The following PLEKHB2 variants were observed in gnomAD, a reference collection of about 807,000 sequenced individuals.
PLEKHB2 encodes the protein pleckstrin homology domain containing B2, also known as pleckstrin homology domain-containing family B member 2.
In PLEKHB2, 31 loss-of-function variants were observed where a neutral mutation model predicts 36.5. That is an observed-to-expected ratio of 0.85 (90% CI 0.64 to 1.15). PLEKHB2 has a LOEUF of 1.15. PLEKHB2 is among the 50% of genes most tolerant of loss of function. The pLI is 0.00. For missense variants in PLEKHB2, 262 were observed against 295.3 expected (o/e 0.89, Z 0.83); for synonymous variants, 119 against 112.0 (o/e 1.06, Z -0.39).
chr2:131,113,759 G>A (rs1403186362), intron 1 of PLEKHB2, among the ~76,000 whole-genome samples: 2 of 152,172 alleles, frequency 1.3e-5, no homozygotes, highest in Non-Finnish European at 2.9e-5. Context: ...ATTCTTCTAA[G>A]TGTGGCCTGC....
intron 2 of PLEKHB2, among the ~76,000 whole-genome samples, chr2:131,124,587 C>G (rs1422326062): frequency 1.3e-5 from 2 of 152,130 alleles, no homozygotes; most frequent in African/African-American, 4.8e-5. Flanking sequence ...TGAATTTGCT[C>G]AAGCTGACAG....
intron 2 of PLEKHB2, among the ~76,000 whole-genome samples, chr2:131,121,735 T>G (rs1034493500): frequency 6.6e-6 from 1 of 152,134 alleles, no homozygotes; most frequent in African/African-American, 2.4e-5. Context: ...TGAGTTCATC[T>G]AAAACCAAAA....
intron 1 of PLEKHB2, among the ~76,000 whole-genome samples, chr2:131,115,660 T>C (rs1228652556): frequency 2.0e-5 from 3 of 152,156 alleles, no homozygotes; most frequent in Non-Finnish European, 4.4e-5. Flanking sequence ...CCAGAAGGTA[T>C]GTCTTTTCTT....
chr2:131,136,099 A>G (rs557726522), intron 6 of PLEKHB2, among the ~76,000 whole-genome samples: 4 of 151,784 alleles, frequency 2.6e-5, no homozygotes, highest in East Asian at 1.9e-4. Flanking sequence ...CCCTTTTTCT[A>G]GTTTCCAGGA....
intron 4 of PLEKHB2, among the ~76,000 whole-genome samples, chr2:131,127,235 G>A (rs1341136688): frequency 6.6e-6 from 1 of 152,154 alleles, no homozygotes; most frequent in African/African-American, 2.4e-5. Context: ...GCAGATCCTT[G>A]CTCCCTCTGA....
Position 131,146,916 on chromosome 2 carries a change from A to G in PLEKHB2, c.*143A>G, listed in dbSNP as rs1671646180. ...AAGTAGTGATGTCATAATTGTACTA[A>G]TCCACATAAGTACCACAGAGAAGGG... is the stretch of plus-strand genomic sequence containing the variant. On this transcript the variant is annotated 3_prime_UTR_variant, in exon 8 of 8. Coordinates refer to ENST00000693505, the MANE Select transcript of PLEKHB2 (RefSeq NM_001100623.2). The G allele has an allele frequency of 4.3e-6, 3 of 690,716 alleles. No homozygotes were observed. The highest frequency in any genetic ancestry group is 7.0e-6 in the Non-Finnish European group (3 of 427,506). The allele number at this position is 690,716 out of a possible 1,614,324, so 42.8% of individuals were successfully genotyped here. A position where few individuals can be genotyped will look rare whatever the true frequency, so the allele number is the denominator to read the frequency against.
intron 4 of PLEKHB2, among the ~76,000 whole-genome samples, chr2:131,128,927 ATG>A (rs1697369221): frequency 6.6e-6 from 1 of 150,976 alleles, no homozygotes. Context: ...TATAAGATAT[ATG>A]AATAATCCAG....
At chr2:131,140,950 G>A (rs1184365751) in intron 7 of PLEKHB2, among the ~76,000 whole-genome samples, 2 of 152,220 alleles carry the variant, frequency 1.3e-5, no homozygotes, top group Non-Finnish European at 2.9e-5. Context: ...TGCACAGGTG[G>A]GTGGGCTGGA....
intron 1 of PLEKHB2, among the ~76,000 whole-genome samples, chr2:131,107,016 C>G (rs1465623051): frequency 1.3e-5 from 2 of 152,196 alleles, no homozygotes; most frequent in Admixed American, 1.3e-4. Context: ...GACAGATACT[C>G]TTGTGGTGTT....
chr2:131,141,970 G>A (rs1698831414), intron 7 of PLEKHB2, among the ~76,000 whole-genome samples: 1 of 152,146 alleles, frequency 6.6e-6, no homozygotes, highest in South Asian at 2.1e-4. Flanking sequence ...AGTTATTTCA[G>A]TTCATGGCCC....
At chr2:131,135,080 T>C (rs1013393463) in intron 6 of PLEKHB2, among the ~76,000 whole-genome samples, 2 of 151,188 alleles carry the variant, frequency 1.3e-5, no homozygotes, top group African/African-American at 4.8e-5. Context: ...AACTTTCTCT[T>C]TTTTTTTTGA....
chr2:131,143,244 C>T (rs1698967423), intron 7 of PLEKHB2, among the ~76,000 whole-genome samples: 1 of 152,080 alleles, frequency 6.6e-6, no homozygotes, highest in Non-Finnish European at 1.5e-5. Context: ...GGAGGTAACC[C>T]CATTGTAAGT....
intron 6 of PLEKHB2, among the ~76,000 whole-genome samples, chr2:131,137,564 T>C (rs902865269): frequency 5.3e-5 from 8 of 152,232 alleles, no homozygotes; most frequent in Non-Finnish European, 1.0e-4. Flanking sequence ...TATGGTGTTT[T>C]CTTATTATCC....
intron 2 of PLEKHB2, among the ~76,000 whole-genome samples, chr2:131,122,564 G>A (rs62177466): frequency 0.021 from 3,249 of 152,274 alleles, 51 homozygotes; most frequent in Middle Eastern, 0.034. Flanking sequence ...GAGGTAAGTG[G>A]TATTATTTCC....
At chr2:131,137,695 C>A (rs1412730371) in intron 6 of PLEKHB2, among the ~76,000 whole-genome samples, 1 of 152,034 alleles carries the variant, frequency 6.6e-6, no homozygotes, top group Non-Finnish European at 1.5e-5. Flanking sequence ...TGAATAGTTT[C>A]AAAGAAATAG....
chr2:131,113,080 C>T (rs1050910657), intron 1 of PLEKHB2, among the ~76,000 whole-genome samples: 1 of 129,876 alleles, frequency 7.7e-6, no homozygotes, highest in African/African-American at 2.5e-5. Flanking sequence ...TTGGTGTTCG[C>T]TGAAGAATTT....
At chr2:131,113,201 G>GC (rs1695504339) in intron 1 of PLEKHB2, among the ~76,000 whole-genome samples, 2 of 151,870 alleles carry the variant, frequency 1.3e-5, no homozygotes, top group South Asian at 4.2e-4. Context: ...TCTTACCTCA[G>GC]CCCCCCAGTA....
At chr2:131,127,537 A>G (rs1407017987) in intron 4 of PLEKHB2, among the ~76,000 whole-genome samples, 1 of 152,224 alleles carries the variant, frequency 6.6e-6, no homozygotes, top group Non-Finnish European at 1.5e-5. Context: ...GGATTTATAC[A>G]TATCTTTTTC....
chr2:131,120,366 T>C (rs1696374109), intron 1 of PLEKHB2: 1 of 154,828 alleles, frequency 6.5e-6, no homozygotes, highest in Non-Finnish European at 1.4e-5. Flanking sequence ...TGAGCCACCG[T>C]GCCCAGCCGT....
Sources: gnomAD v4.1 joint callset for allele counts (sites outside exome capture counted in the v4.1 genomes callset) on GRCh38, gnomAD v4.1.1 for gene constraint, MANE v1.5 for transcripts, NCBI Gene and HGNC (gene_info 2026-07-23, HGNC 2026-07-21) for gene names.